The following ZNF835 variants were observed in gnomAD, a reference collection of about 807,000 sequenced individuals.
ZNF835 encodes the protein zinc finger protein 835.
For missense variants in ZNF835, 783 were observed against 758.4 expected (o/e 1.03, Z -0.38); for synonymous variants, 323 against 324.7 (o/e 0.99, Z 0.06).
chr19:56,671,566 C>T lies in ZNF835; in HGVS notation c.-48+10G>A, dbSNP rs1469457551. The T allele has an allele frequency of 6.6e-6, 1 of 152,450 alleles. No individual in the cohort carries two copies. The highest frequency in any genetic ancestry group is 1.9e-4 in the East Asian group (1 of 5,204). The allele number at this position is 152,450 out of a possible 1,614,324, so 9.4% of individuals were successfully genotyped here. The stretch of plus-strand genomic sequence containing the variant: ...TCACACACCTGCAGGAACACGCGCA[C>T]ACTACACACCGTTGCTCTCGCCTCC... On this transcript the variant is annotated intron_variant, in intron 1 of 1. Transcript: ENST00000537055.
intron 1 of ZNF835, chr19:56,665,600 G>A (rs1424618484): frequency 2.4e-6 from 1 of 421,138 alleles, no homozygotes; most frequent in South Asian, 1.8e-5. Flanking sequence ...CCAGCAAACT[G>A]TCTGCTGCCT....
rs754896432 is a variant in ZNF835 at position 56,664,494 on chromosome 19, C to G, written c.705G>C (p.Ser235=). The change falls in exon 2 of 2, where the codon TCG becomes TCC. Residue 235 remains serine (S), a synonymous_variant. Transcript: ENST00000537055. ...AQCAKAFRNR[S]SLIEHQRIHT... ...GGATGCGCTGGTGCTCTATCAGGGA[C>G]GAGCGGTTGCGGAACGCCTTGGCGC... 1.2e-6 allele frequency: 2 copies of G among 1,603,722 alleles called. No individual in the cohort carries two copies. The highest frequency in any genetic ancestry group is 2.3e-5 in the East Asian group (1 of 44,310).
chr19:56,664,158 C>G lies in ZNF835; in HGVS notation c.1041G>C (p.Ser347=). The G allele has an allele frequency of 7.5e-6, 12 of 1,608,862 alleles. No homozygotes were observed. The highest frequency in any genetic ancestry group is 1.0e-5 in the Non-Finnish European group (12 of 1,177,762). ...GQCAKAFTQV[S]HLTQHQRTHT... is the part of the protein sequence containing the mutation. ...GCGTGCGCTGGTGCTGCGTCAGGTG[C>G]GACACCTGGGTGAAGGCCTTGGCGC... The change falls in exon 2 of 2, where the codon TCG becomes TCC. Residue 347 remains serine (S), a synonymous_variant. Transcript: ENST00000537055.
Position 56,665,171 on chromosome 19 carries a change from G to A in ZNF835, c.28C>T (p.Gln10Ter), listed in dbSNP as rs755173314. Residue 10 changes from glutamine (Q) to a stop codon, truncating the protein, a stop_gained, in exon 2 of 2, where the codon CAG becomes TAG. Coordinates refer to ENST00000537055, the MANE Select transcript of ZNF835 (RefSeq NM_001005850.3). LOFTEE classifies it low-confidence loss of function (END_TRUNC). MEGLLSVAL[Q>*]GAELEGNWKH... ...CAGTTTCCTTCCAACTCTGCGCCCT[G>A]GAGGGCGACGCTCAAGAGTCCCTCC... The A allele has an allele frequency of 3.1e-6, 5 of 1,613,860 alleles. No individual in the cohort carries two copies. In the African/African-American group the frequency reaches 6.7e-5, roughly 22 times the overall value.
chr19:56,665,166 G>A lies in ZNF835; in HGVS notation c.33C>T (p.Gly11=), dbSNP rs113803155. 2.8e-5 allele frequency: 45 copies of A among 1,613,928 alleles called. No homozygotes were observed. The African/African-American group carries it at 3.3e-4, about 12-fold the overall frequency. The change falls in exon 2 of 2, where the codon GGC becomes GGT. Residue 11 remains glycine, a synonymous_variant. Transcript: ENST00000537055. MEGLLSVALQ[G]AELEGNWKHE... ...GTTTCCAGTTTCCTTCCAACTCTGCGCCCTGGAGGGCGACGCTCAAGAGTC... is the reference window on the plus strand; with the variant it reads ...GTTTCCAGTTTCCTTCCAACTCTGCACCCTGGAGGGCGACGCTCAAGAGTC...
chr19:56,663,162 GAAAAAA>G lies in ZNF835; in HGVS notation c.*417_*422del, dbSNP rs34647340. 1.4e-4 allele frequency: 17 copies of G among 123,328 alleles called. No homozygotes were observed. The highest frequency in any genetic ancestry group is 2.5e-4 in the East Asian group (1 of 3,990). The allele number at this position is 123,328 out of a possible 1,614,324, so 7.6% of individuals were successfully genotyped here. A position where few individuals can be genotyped will look rare whatever the true frequency, so the allele number is the denominator to read the frequency against. On this transcript the variant is annotated 3_prime_UTR_variant, in exon 2 of 2. Coordinates refer to ENST00000537055, the MANE Select transcript of ZNF835 (RefSeq NM_001005850.3). ...GGCGACAGAGCAAGACTCCGTCTCA[GAAAAAA>G]AAAAAAAAAAAAATTAGCCAGACTC...
At chr19:56,671,490 T>C (rs1005480803) in intron 1 of ZNF835, 86 bp downstream of exon 1, 4 of 151,286 alleles carry the variant, frequency 2.6e-5, no homozygotes, top group Non-Finnish European at 4.4e-5. Context: ...CTGACACCGC[T>C]AAGTGAACAG....
In ZNF835 at chr19:56,664,815, G is replaced by A. The variant is rs774097646; in HGVS notation, c.384C>T (p.His128=). ...GCTTCTCCCCGGTGTGGATTCTCTG[G>A]TGTAAGATGAACGCTGAACAGTAGC... is the stretch of plus-strand genomic sequence containing the variant. The part of the protein sequence containing the change: ...AFSYCSAFIL[H]QRIHTGEKPF... The change falls in exon 2 of 2, where the codon CAC becomes CAT. Residue 128 remains histidine, a synonymous_variant. Transcript: ENST00000537055. 3.7e-5 allele frequency: 59 copies of A among 1,611,274 alleles called. No individual in the cohort carries two copies. In the South Asian group the frequency reaches 3.7e-4, roughly 10 times the overall value.
Position 56,664,973 on chromosome 19 carries a change from C to A in ZNF835, c.226G>T (p.Asp76Tyr). The change falls in exon 2 of 2, where the codon GAC becomes TAC. Residue 76 changes from aspartate to tyrosine, a missense_variant. Asp to Tyr is a radical substitution (Grantham distance 160). Coordinates refer to ENST00000537055, the MANE Select transcript of ZNF835 (RefSeq NM_001005850.3). Reference sequence around the variant, plus strand: ...CTGCACCTCCGGGAACTGCTGTCGTCGGGGACACTGGCTTGGGTAGCAGCA... The same window carrying A: ...CTGCACCTCCGGGAACTGCTGTCGTAGGGGACACTGGCTTGGGTAGCAGCA... ...SPAATQASVP[D>Y]DSSSRRCSAP... The A allele has an allele frequency of 1.2e-6, 2 of 1,614,014 alleles. No homozygotes were observed. Among genetic ancestry groups the A allele is most frequent in the Non-Finnish European group, 1.7e-6 (2 of 1,179,890 alleles).
intron 1 of ZNF835, 76 bp from the exon 2 acceptor site, chr19:56,665,321 C>G (rs2045236601): frequency 7.6e-7 from 1 of 1,317,510 alleles, no homozygotes; most frequent in East Asian, 2.3e-5. Context: ...AACAGCTGAA[C>G]TGGTAAGAAC....
rs762296853 is a variant in ZNF835, at chr19:56,664,296, C to T, written c.903G>A (p.Thr301=). Residue 301 remains threonine (T), a synonymous_variant, in exon 2 of 2, where the codon ACG becomes ACA. Transcript: ENST00000537055. ...CCTGGCACGTGTAGGGCTTCTCGCC[C>T]GTGTGCACGCGCCGGTGCTGGGTCA... ...AHLTQHRRVH[T]GEKPYTCQDC... is the part of the protein sequence containing the mutation. 1.9e-6 allele frequency: 3 copies of T among 1,597,654 alleles called. No homozygotes were observed. The highest frequency in any genetic ancestry group is 2.3e-5 in the East Asian group (1 of 44,056).
intron 1 of ZNF835, 168 bp from the exon 2 acceptor site, chr19:56,665,413 G>T (rs1300138949): frequency 1.3e-6 from 1 of 773,282 alleles, no homozygotes; most frequent in South Asian, 1.4e-5. Flanking sequence ...CCTGTGTGTT[G>T]TGAGATGTTG....
At position 56,663,362 on chromosome 19, in the gene ZNF835, TG is replaced by T; in HGVS notation, c.*222del. The T allele has an allele frequency of 1.6e-6, 1 of 608,920 alleles. No homozygotes were observed. The highest frequency in any genetic ancestry group is 2.1e-5 in the South Asian group (1 of 47,268). The allele number at this position is 608,920 out of a possible 1,614,324, so 37.7% of individuals were successfully genotyped here. A position where few individuals can be genotyped will look rare whatever the true frequency, so the allele number is the denominator to read the frequency against. ...ATTAAAGGCCAGCCATAGGTGTTTCTGCAGGTCTACTTGCCCGTGCCCCATT... is the reference window on the plus strand; with the variant it reads ...ATTAAAGGCCAGCCATAGGTGTTTCTCAGGTCTACTTGCCCGTGCCCCATT... On this transcript the variant is annotated 3_prime_UTR_variant, in exon 2 of 2. Transcript: ENST00000537055.
At chr19:56,670,158 C>A (rs562916417) in intron 1 of ZNF835, among the ~76,000 whole-genome samples, 1 of 151,758 alleles carries the variant, frequency 6.6e-6, no homozygotes, top group South Asian at 2.1e-4. Context: ...AGGAGTCCTC[C>A]ATTAGCATAA....
chr19:56,667,766 TG>T (rs1478971982), intron 1 of ZNF835, among the ~76,000 whole-genome samples: 2 of 152,252 alleles, frequency 1.3e-5, no homozygotes, highest in Admixed American at 1.3e-4. Flanking sequence ...GACATGAGGC[TG>T]GAGCCCTCAG....
chr19:56,667,549 G>C (rs2045256323), intron 1 of ZNF835, among the ~76,000 whole-genome samples: 1 of 152,224 alleles, frequency 6.6e-6, no homozygotes. Flanking sequence ...TGTTATGTGT[G>C]GGCTCAGCCC....
In ZNF835 at chr19:56,665,218, G is replaced by A. The variant is rs2045235751; in HGVS notation, c.-20C>T. 2 of 1,612,944 alleles carry A rather than the reference G, an allele frequency of 1.2e-6. No homozygotes were observed. The highest frequency in any genetic ancestry group is 2.2e-5 in the South Asian group (2 of 91,010). ...CTCCATCCTCGATCCCTGGGCTGCT[G>A]TCTTGATCTCACATCTTTTCTCTGG... On this transcript the variant is annotated 5_prime_UTR_variant, in exon 2 of 2. Coordinates refer to ENST00000537055, the MANE Select transcript of ZNF835 (RefSeq NM_001005850.3).
chr19:56,667,033 G>A (rs796876180), intron 1 of ZNF835, among the ~76,000 whole-genome samples: 4 of 152,310 alleles, frequency 2.6e-5, no homozygotes, highest in African/African-American at 4.8e-5. Context: ...GCCCAGGGTC[G>A]TTAGAGATGG....
intron 1 of ZNF835, among the ~76,000 whole-genome samples, chr19:56,671,003 G>A (rs927526344): frequency 4.6e-5 from 7 of 152,266 alleles, no homozygotes; most frequent in Non-Finnish European, 1.5e-5. Context: ...GCCTTTACCT[G>A]CAGTCACCTG....
Sources: gnomAD v4.1 joint callset for allele counts (sites outside exome capture counted in the v4.1 genomes callset) on GRCh38, gnomAD v4.1.1 for gene constraint, MANE v1.5 for transcripts, NCBI Gene and HGNC (gene_info 2026-07-23, HGNC 2026-07-21) for gene names.